KCNJ6: variants seen among roughly 807,000 people sequenced by gnomAD.
The protein encoded by KCNJ6 is G protein-activated inward rectifier potassium channel 2.
Under a neutral mutation model 34.2 loss-of-function variants are expected in KCNJ6, and 9 were observed. The observed-to-expected ratio is 0.26, with a 90% CI of 0.16 to 0.46. The LOEUF is 0.46. KCNJ6 is among the 20% of genes least tolerant of loss of function. KCNJ6 has a pLI of 1.00. For missense variants in KCNJ6, 236 were observed against 531.3 expected, an observed-to-expected ratio of 0.44 and a Z score of 5.46; for synonymous variants, 196 against 207.1, an observed-to-expected ratio of 0.95 and a Z score of 0.46.
chr21:37,764,648 G>A (rs2055082311), intron 2 of KCNJ6, among the ~76,000 whole-genome samples: 1 of 152,174 alleles, frequency 6.6e-6, no homozygotes, highest in Non-Finnish European at 1.5e-5. Context: ...CAAGTGCCGG[G>A]ATTACAGGTG....
At chr21:37,699,581 C>T (rs2054680188) in intron 3 of KCNJ6, among the ~76,000 whole-genome samples, 1 of 152,152 alleles carries the variant, frequency 6.6e-6, no homozygotes, top group Admixed American at 6.5e-5. Context: ...AGTCCCTGAG[C>T]ATGTAATTAG....
chr21:37,679,115 A>G (rs2054579758), intron 3 of KCNJ6, among the ~76,000 whole-genome samples: 3 of 152,168 alleles, frequency 2.0e-5, no homozygotes, highest in Non-Finnish European at 4.4e-5. Flanking sequence ...GTAGCAAGGA[A>G]CTGAGGCCTC....
At chr21:37,665,754 G>GC (rs67705209) in intron 3 of KCNJ6, among the ~76,000 whole-genome samples, 152,358 of 152,374 alleles carry the variant, frequency 1, 76,171 homozygotes, top group Middle Eastern at 1. Context: ...TTTTGTAGCC[G>GC]AGCGTTGCTG....
intron 3 of KCNJ6, among the ~76,000 whole-genome samples, chr21:37,643,683 A>T (rs1249736679): frequency 1.3e-5 from 2 of 152,170 alleles, no homozygotes; most frequent in Admixed American, 1.3e-4. Flanking sequence ...TGTGCAAACT[A>T]TTGGTCTCCC....
intron 3 of KCNJ6, among the ~76,000 whole-genome samples, chr21:37,699,370 C>T (rs1046592049): frequency 1.3e-5 from 2 of 152,178 alleles, no homozygotes; most frequent in African/African-American, 2.4e-5. Context: ...GCTCATCCTT[C>T]CCACTCCTCC....
At chr21:37,655,234 A>G (rs1385872023) in intron 3 of KCNJ6, among the ~76,000 whole-genome samples, 19 of 2,328 alleles carry the variant, frequency 8.2e-3, no homozygotes, top group African/African-American at 0.022. Context: ...TGAGAGAGAG[A>G]GAGAGAGAGA....
chr21:37,778,510 C>T (rs2055153381), intron 2 of KCNJ6, among the ~76,000 whole-genome samples: 1 of 151,776 alleles, frequency 6.6e-6, no homozygotes, highest in African/African-American at 2.4e-5. Flanking sequence ...TGGAAGATAA[C>T]TTACATATTT....
At chr21:37,778,861 A>T (rs1186307953) in intron 2 of KCNJ6, among the ~76,000 whole-genome samples, 1 of 151,300 alleles carries the variant, frequency 6.6e-6, no homozygotes, top group African/African-American at 2.4e-5. Flanking sequence ...CCCATTTGTC[A>T]AGCTCATGAG....
intron 2 of KCNJ6, among the ~76,000 whole-genome samples, chr21:37,759,894 A>G (rs771085987): frequency 2.0e-5 from 3 of 152,186 alleles, no homozygotes; most frequent in Non-Finnish European, 2.9e-5. Flanking sequence ...CTGGGTCACG[A>G]AAGGACAGCT....
At chr21:37,820,495 T>G (rs1311766034) in intron 2 of KCNJ6, among the ~76,000 whole-genome samples, 1 of 152,222 alleles carries the variant, frequency 6.6e-6, no homozygotes, top group Non-Finnish European at 1.5e-5. Context: ...TCTGCCATTT[T>G]GCACTGCATT....
intron 3 of KCNJ6, among the ~76,000 whole-genome samples, chr21:37,667,186 T>TAAAAA (rs1569441641): frequency 1.8e-3 from 157 of 86,734 alleles, no homozygotes; most frequent in South Asian, 3.0e-3. Context: ...AAAAAAAAAT[T>TAAAAA]AAATGAGGCA....
intron 3 of KCNJ6, among the ~76,000 whole-genome samples, chr21:37,671,353 T>G (rs2054541449): frequency 6.6e-6 from 1 of 152,210 alleles, no homozygotes. Context: ...GCTGAACACA[T>G]GGATGTTCCT....
At chr21:37,715,181 T>C (rs1475662673) in intron 2 of KCNJ6, 50 bp from the exon 3 acceptor site, 1 of 1,491,704 alleles carries the variant, frequency 6.7e-7, no homozygotes, top group Admixed American at 2.0e-5. Context: ...GGCTGGCTCT[T>C]TGAGGACAAT....
intron 1 of KCNJ6, among the ~76,000 whole-genome samples, chr21:37,910,013 T>C (rs1230290848): frequency 1.3e-5 from 2 of 152,206 alleles, no homozygotes; most frequent in African/African-American, 2.4e-5. Flanking sequence ...TGAGCAGAAA[T>C]GTTAAGGGCC....
chr21:37,682,475 C>T (rs773287792), intron 3 of KCNJ6, among the ~76,000 whole-genome samples: 4 of 152,166 alleles, frequency 2.6e-5, no homozygotes, highest in Non-Finnish European at 5.9e-5. Flanking sequence ...CCAAGTGTAA[C>T]GTGGTGGCCC....
intron 3 of KCNJ6, among the ~76,000 whole-genome samples, chr21:37,661,613 A>ATTTTTTTTTTTT (rs1324340711): frequency 1.5e-4 from 7 of 47,296 alleles, no homozygotes; most frequent in Non-Finnish European, 2.7e-4. Flanking sequence ...TAAGAGACAT[A>ATTTTTTTTTTTT]GTTTTTTTTT....
chr21:37,632,725 A>G (rs1294205477), intron 3 of KCNJ6, among the ~76,000 whole-genome samples: 3 of 152,200 alleles, frequency 2.0e-5, no homozygotes, highest in African/African-American at 7.2e-5. Flanking sequence ...AGGAGATTAT[A>G]ATAACTTAAA....
At chr21:37,783,890 C>T (rs757920263) in intron 2 of KCNJ6, among the ~76,000 whole-genome samples, 81 of 152,158 alleles carry the variant, frequency 5.3e-4, no homozygotes, top group Admixed American at 3.7e-3. Context: ...GCACATGCAC[C>T]GAAGAAAGAC....
At chr21:37,907,923 T>G (rs1424263277) in intron 1 of KCNJ6, among the ~76,000 whole-genome samples, 2 of 152,214 alleles carry the variant, frequency 1.3e-5, no homozygotes, top group African/African-American at 4.8e-5. Flanking sequence ...GGCAGTGAAA[T>G]AAATCCTGTC....
Sources: gnomAD v4.1 joint callset for allele counts (sites outside exome capture counted in the v4.1 genomes callset) on GRCh38, gnomAD v4.1.1 for gene constraint, MANE v1.5 for transcripts, NCBI Gene and HGNC (gene_info 2026-07-23, HGNC 2026-07-21) for gene names.